GCNT2: variants seen among roughly 807,000 people sequenced by gnomAD.
GCNT2 encodes N-acetyllactosaminide beta-1,6-N-acetylglucosaminyl-transferase.
Under a neutral mutation model 34.2 loss-of-function variants are expected in GCNT2, and 34 were observed. The ratio of observed to expected loss-of-function variants is 1.00; its 90% CI spans 0.76 to 1.32. The LOEUF is 1.32. Among genes scored for constraint, GCNT2 ranks in the 40% most tolerant of loss-of-function variants. The pLI is 0.00. For synonymous variants in GCNT2, 212 were observed against 188.0 expected (o/e 1.13, Z -1.04); for missense variants, 584 against 489.4 (o/e 1.19, Z -1.82).
intron 3 of GCNT2, among the ~76,000 whole-genome samples, chr6:10,537,570 G>A (rs548699918): frequency 3.1e-4 from 47 of 151,366 alleles, no homozygotes; most frequent in Non-Finnish European, 5.9e-4. Context: ...GCGTGGTGGC[G>A]GGCACCTGTA....
At chr6:10,575,056 T>TG (rs1484411256) in intron 3 of GCNT2, 1 of 596,844 alleles carries the variant, frequency 1.7e-6, no homozygotes, top group Non-Finnish European at 3.1e-6. Context: ...CATTTAGCCA[T>TG]GGTAACACTT....
At chr6:10,594,647 T>C (rs9466895) in intron 3 of GCNT2, among the ~76,000 whole-genome samples, 16,739 of 152,172 alleles carry the variant, frequency 0.11, 1,105 homozygotes, top group Middle Eastern at 0.17. Flanking sequence ...AATGTGAACA[T>C]TTATTAAGAA....
At chr6:10,535,000 A>G (rs140455077) in intron 3 of GCNT2, among the ~76,000 whole-genome samples, 2,080 of 152,296 alleles carry the variant, frequency 0.014, 29 homozygotes, top group African/African-American at 0.036. Context: ...CCTGGCCAAC[A>G]TGATGAAACC....
chr6:10,624,198 A>T (rs1766167469), intron 4 of GCNT2, among the ~76,000 whole-genome samples: 1 of 152,142 alleles, frequency 6.6e-6, no homozygotes, highest in African/African-American at 2.4e-5. Context: ...CTCACCTTTA[A>T]GCTCCCAAGG....
At chr6:10,563,741 CAAAAAAA>C (rs1278706384) in intron 3 of GCNT2, among the ~76,000 whole-genome samples, 6 of 70,848 alleles carry the variant, frequency 8.5e-5, no homozygotes, top group Admixed American at 2.3e-4. Flanking sequence ...GACTCCATCT[CAAAAAAA>C]GAAAAAAGAA....
At chr6:10,564,291 ATG>A (rs1299134025) in intron 3 of GCNT2, among the ~76,000 whole-genome samples, 5 of 152,164 alleles carry the variant, frequency 3.3e-5, no homozygotes, top group African/African-American at 4.8e-5. Flanking sequence ...AGAGTAGAGA[ATG>A]TGTGTGGCGG....
At chr6:10,565,430 CA>C (rs1763231844) in intron 3 of GCNT2, among the ~76,000 whole-genome samples, 1 of 152,204 alleles carries the variant, frequency 6.6e-6, no homozygotes, top group Non-Finnish European at 1.5e-5. Context: ...CGCCTTTCTT[CA>C]TGGTCCAGGA....
chr6:10,556,585 A>G, intron 3 of GCNT2: 1 of 1,614,184 alleles, frequency 6.2e-7, no homozygotes, highest in Admixed American at 1.7e-5. Flanking sequence ...TTATCAATGG[A>G]AAAACACGTT....
chr6:10,585,685 A>C (rs956150418), intron 3 of GCNT2: 2 of 883,012 alleles, frequency 2.3e-6, no homozygotes, highest in African/African-American at 1.7e-5. Context: ...GTAAATGAGG[A>C]GGCTTCCTAG....
At chr6:10,590,487 T>C (rs1764584019) in intron 3 of GCNT2, among the ~76,000 whole-genome samples, 1 of 151,782 alleles carries the variant, frequency 6.6e-6, no homozygotes, top group Admixed American at 6.6e-5. Context: ...CTACCCTCAT[T>C]TCTCTTTATT....
intron 3 of GCNT2, among the ~76,000 whole-genome samples, chr6:10,615,949 C>T (rs1765739963): frequency 6.6e-6 from 1 of 152,148 alleles, no homozygotes; most frequent in Non-Finnish European, 1.5e-5. Context: ...TCTTTATGAC[C>T]TGTATTTTGT....
intron 3 of GCNT2, among the ~76,000 whole-genome samples, chr6:10,595,114 A>G (rs1446784686): frequency 6.6e-6 from 1 of 152,078 alleles, no homozygotes; most frequent in African/African-American, 2.4e-5. Context: ...TGTACTTTTT[A>G]TGACCACCAA....
At chr6:10,539,258 C>A (rs1327455680) in intron 3 of GCNT2, among the ~76,000 whole-genome samples, 2 of 134,156 alleles carry the variant, frequency 1.5e-5, no homozygotes, top group Non-Finnish European at 1.5e-5. Flanking sequence ...GGTGCGATCT[C>A]GGCCCACTGC....
intron 3 of GCNT2, among the ~76,000 whole-genome samples, chr6:10,562,116 C>A (rs534816792): frequency 6.6e-6 from 1 of 152,118 alleles, no homozygotes; most frequent in Non-Finnish European, 1.5e-5. Context: ...CGAGTCAAAC[C>A]GTGTGCTCAG....
intron 3 of GCNT2, among the ~76,000 whole-genome samples, chr6:10,583,293 A>C (rs1455265460): frequency 6.6e-6 from 1 of 152,068 alleles, no homozygotes; most frequent in African/African-American, 2.4e-5. Flanking sequence ...TGGAGCAGAG[A>C]GGGGGCAGGG....
At chr6:10,546,387 G>A (rs1033171284) in intron 3 of GCNT2, among the ~76,000 whole-genome samples, 25 of 152,148 alleles carry the variant, frequency 1.6e-4, no homozygotes, top group African/African-American at 5.8e-4. Context: ...GTCCAGGCAC[G>A]GTGGCTGATG....
intron 3 of GCNT2, chr6:10,586,579 T>G: frequency 6.2e-7 from 1 of 1,614,154 alleles, no homozygotes; most frequent in Non-Finnish European, 8.5e-7. Context: ...GACTTCCCCC[T>G]GAAAACCAAC....
At chr6:10,586,483 C>T (rs1181596406) in intron 3 of GCNT2, 2 of 1,614,086 alleles carry the variant, frequency 1.2e-6, no homozygotes, top group African/African-American at 2.7e-5. Flanking sequence ...GCAGGCATTT[C>T]CAGACTCCAG....
At chr6:10,522,426 C>A (rs1186874374) in intron 1 of GCNT2, among the ~76,000 whole-genome samples, 1 of 152,110 alleles carries the variant, frequency 6.6e-6, no homozygotes, top group African/African-American at 2.4e-5. Context: ...TAAATGTAGG[C>A]CTTTGAGAGT....
Sources: gnomAD v4.1 joint callset for allele counts (sites outside exome capture counted in the v4.1 genomes callset) on GRCh38, gnomAD v4.1.1 for gene constraint, MANE v1.5 for transcripts, NCBI Gene and HGNC (gene_info 2026-07-23, HGNC 2026-07-21) for gene names.